PCCA: variants seen among roughly 807,000 people sequenced by gnomAD.
PCCA encodes the protein propionyl-CoA carboxylase alpha chain, mitochondrial.
Under a neutral mutation model 101.3 loss-of-function variants are expected in PCCA, and 74 were observed. The observed-to-expected ratio is 0.73, with a 90% CI of 0.61 to 0.89. PCCA has a LOEUF of 0.89. PCCA is among the 40% of genes least tolerant of loss of function. The pLI, the probability that PCCA is intolerant of heterozygous loss-of-function variation, is 0.00. For missense variants in PCCA, 891 were observed against 907.0 expected, an observed-to-expected ratio of 0.98 and a Z score of 0.23; for synonymous variants, 294 against 313.6, an observed-to-expected ratio of 0.94 and a Z score of 0.66.
At chr13:100,124,425 A>G (rs1157853888) in intron 4 of PCCA, among the ~76,000 whole-genome samples, 1 of 152,220 alleles carries the variant, frequency 6.6e-6, no homozygotes, top group Non-Finnish European at 1.5e-5. Context: ...CATCTTACCC[A>G]GGCAGCCTGC....
intron 20 of PCCA, among the ~76,000 whole-genome samples, chr13:100,429,454 A>G (rs2079387075): frequency 1.3e-5 from 2 of 152,086 alleles, no homozygotes; most frequent in Non-Finnish European, 2.9e-5. Context: ...TAGTAACTGT[A>G]GGTACTTTAA....
chr13:100,206,213 G>A (rs1455502957), intron 6 of PCCA, among the ~76,000 whole-genome samples: 1 of 152,030 alleles, frequency 6.6e-6, no homozygotes, highest in East Asian at 1.9e-4. Context: ...AGGCATTTGG[G>A]TTCCTATAAT....
chr13:100,470,937 C>T (rs1745806), intron 21 of PCCA, among the ~76,000 whole-genome samples: 117,294 of 152,190 alleles, frequency 0.77, 46,549 homozygotes, highest in East Asian at 1. Context: ...TTCACTGGAG[C>T]AGCACTTTTA....
At chr13:100,383,035 A>ATT (rs2076315313) in intron 19 of PCCA, among the ~76,000 whole-genome samples, 1 of 152,110 alleles carries the variant, frequency 6.6e-6, no homozygotes, top group Non-Finnish European at 1.5e-5. Context: ...ATAAGCCAGA[A>ATT]CTTGCCTCAA....
At chr13:100,118,442 T>C (rs907808777) in intron 4 of PCCA, among the ~76,000 whole-genome samples, 2 of 152,218 alleles carry the variant, frequency 1.3e-5, no homozygotes, top group Admixed American at 1.3e-4. Context: ...TTTTGTTTGA[T>C]TTTTATTATG....
chr13:100,260,473 T>C (rs2062419676), intron 9 of PCCA, among the ~76,000 whole-genome samples: 1 of 151,220 alleles, frequency 6.6e-6, no homozygotes. Flanking sequence ...CTCGGCTCAC[T>C]GCAACCTCTG....
chr13:100,528,849 GC>G (rs1191274171), intron 23 of PCCA, among the ~76,000 whole-genome samples: 1 of 152,220 alleles, frequency 6.6e-6, no homozygotes, highest in Non-Finnish European at 1.5e-5. Context: ...CATTTGTGCT[GC>G]CCTAGTATCA....
chr13:100,309,913 A>T lies in PCCA; in HGVS notation c.1429+5A>T. 2 of 1,605,186 alleles carry T rather than the reference A, an allele frequency of 1.2e-6. No homozygotes were observed. Among genetic ancestry groups the T allele is most frequent in the Non-Finnish European group, 1.7e-6 (2 of 1,171,862 alleles). On this transcript the variant is annotated splice_donor_5th_base_variant and intron_variant, in intron 16 of 23. Coordinates refer to ENST00000376285, the MANE Select transcript of PCCA (RefSeq NM_000282.4). ...TGGATAACTATGTTATTCGAGGTAA[A>T]AACAAAGATTTGCACTCGTTGGTTA...
intron 16 of PCCA, among the ~76,000 whole-genome samples, chr13:100,329,210 G>C (rs1187813497): frequency 6.6e-6 from 1 of 151,880 alleles, no homozygotes; most frequent in East Asian, 1.9e-4. Context: ...CTTACTACTG[G>C]CTGTTTAATT....
chr13:100,401,557 T>G (rs990358452), intron 19 of PCCA, among the ~76,000 whole-genome samples: 2 of 141,938 alleles, frequency 1.4e-5, no homozygotes, highest in Admixed American at 6.7e-5. Flanking sequence ...TTTTTTTGTG[T>G]TTTTTTTATT....
intron 21 of PCCA, among the ~76,000 whole-genome samples, chr13:100,469,075 G>A (rs910666074): frequency 1.3e-5 from 2 of 151,892 alleles, no homozygotes; most frequent in Non-Finnish European, 2.9e-5. Context: ...GCCGGACGTG[G>A]TGGCACATTC....
chr13:100,480,505 C>T (rs906951939), intron 21 of PCCA: 2 of 152,228 alleles, frequency 1.3e-5, no homozygotes, highest in African/African-American at 4.8e-5. Context: ...CAGCCATAGC[C>T]TGGTCTCTGC....
At chr13:100,489,364 G>C (rs2084706742) in intron 21 of PCCA, among the ~76,000 whole-genome samples, 2 of 152,224 alleles carry the variant, frequency 1.3e-5, no homozygotes, top group Admixed American at 6.5e-5. Context: ...TGTACTGTCA[G>C]TGGCTGCTTT....
At chr13:100,414,597 G>A (rs1323168866) in intron 19 of PCCA, among the ~76,000 whole-genome samples, 1 of 152,170 alleles carries the variant, frequency 6.6e-6, no homozygotes, top group Non-Finnish European at 1.5e-5. Context: ...GGAAATTTAT[G>A]TGCTTATTGT....
At chr13:100,367,810 T>C (rs986123745) in intron 18 of PCCA, among the ~76,000 whole-genome samples, 2 of 151,648 alleles carry the variant, frequency 1.3e-5, no homozygotes, top group South Asian at 4.2e-4. Flanking sequence ...TACTAAAAAT[T>C]AGCCGCGTGT....
chr13:100,215,249 C>T (rs1479818265), intron 7 of PCCA, among the ~76,000 whole-genome samples: 2 of 152,212 alleles, frequency 1.3e-5, no homozygotes, highest in East Asian at 3.8e-4. Flanking sequence ...CATTTTAAAT[C>T]ATTTATTCAT....
At chr13:100,302,776 A>G (rs1188565138) in intron 13 of PCCA, 148 bp from the exon 14 acceptor site, 9 of 683,232 alleles carry the variant, frequency 1.3e-5, no homozygotes, top group Middle Eastern at 2.5e-4. Context: ...TCTAGCGTAA[A>G]AGACAATAAT....
chr13:100,331,395 C>G (rs1320274212), intron 17 of PCCA, among the ~76,000 whole-genome samples: 1 of 152,148 alleles, frequency 6.6e-6, no homozygotes, highest in Non-Finnish European at 1.5e-5. Context: ...GATAGTCTGT[C>G]CCATATTTCA....
intron 6 of PCCA, among the ~76,000 whole-genome samples, chr13:100,195,630 C>T (rs2058058064): frequency 6.6e-6 from 1 of 152,150 alleles, no homozygotes; most frequent in Non-Finnish European, 1.5e-5. Flanking sequence ...TGCAACCAGT[C>T]TAAGGTTTTA....
Sources: allele counts gnomAD v4.1 joint callset (sites outside exome capture counted in the v4.1 genomes callset), GRCh38; gene constraint gnomAD v4.1.1; transcripts MANE v1.5; gene names NCBI Gene and HGNC (gene_info 2026-07-23, HGNC 2026-07-21).